The following ERAP1 variants were observed in gnomAD, a reference collection of about 807,000 sequenced individuals.
The protein encoded by ERAP1 is adipocyte-derived leucine aminopeptidase.
In ERAP1, 86 loss-of-function variants were observed where a neutral mutation model predicts 103.7. The observed-to-expected ratio is 0.83, with a 90% CI of 0.70 to 0.99. The LOEUF (loss-of-function observed/expected upper bound fraction) is 0.99, where lower values mean the gene tolerates loss of function less well. Ranked by LOEUF, ERAP1 falls within the 50% of genes least tolerant of loss-of-function variation. ERAP1 has a pLI of 0.00. For missense variants in ERAP1, 1,009 were observed against 1,128.4 expected, an observed-to-expected ratio of 0.89 and a Z score of 1.52; for synonymous variants, 398 against 402.4, an observed-to-expected ratio of 0.99 and a Z score of 0.13.
the ERAP1 span, among the ~76,000 whole-genome samples, chr5:96,844,683 G>T: frequency 2.0e-5 from 3 of 152,170 alleles, no homozygotes; most frequent in African/African-American, 4.8e-5. Flanking sequence ...TAGCTCCAGG[G>T]CATTGTGGTT....
the ERAP1 span, among the ~76,000 whole-genome samples, chr5:96,847,058 T>C: frequency 2.7e-5 from 4 of 147,164 alleles, no homozygotes; most frequent in African/African-American, 1.0e-4. Flanking sequence ...GACCAACATG[T>C]TGAAACCCCA....
the ERAP1 span, among the ~76,000 whole-genome samples, chr5:96,904,880 A>G: frequency 6.6e-6 from 1 of 152,224 alleles, no homozygotes; most frequent in Non-Finnish European, 1.5e-5. Context: ...CACTAAGTAG[A>G]CAGATTAATG....
the ERAP1 span, chr5:96,895,500 A>G: frequency 1.5e-6 from 1 of 656,910 alleles, no homozygotes; most frequent in East Asian, 2.9e-5. Context: ...GATACACGAA[A>G]CAGATCACAG....
chr5:96,803,853 G>T lies in ERAP1; in HGVS notation c.74C>A (p.Thr25Asn). ...CTGACACCATGAAGGAGTGGACACA[G>T]TTAAGAGAGCCAACAGTGAGGAAAG... Reference protein sequence around the residue: ...FLLSSLLALLTVSTPSWCQST... With the variant: ...FLLSSLLALLNVSTPSWCQST... Residue 25 changes from threonine (T) to asparagine (N), a missense_variant, in exon 2 of 19, where the codon ACT becomes AAT. Transcript: ENST00000443439. 1.2e-6 allele frequency: 2 copies of T among 1,613,998 alleles called. No homozygotes were observed. The highest frequency in any genetic ancestry group is 4.5e-5 in the East Asian group (2 of 44,892).
At position 96,782,959 on chromosome 5, in the gene ERAP1, AC is replaced by A. The variant is rs1775430606; in HGVS notation, c.2285+91del. The A allele has an allele frequency of 6.0e-6, 8 of 1,335,264 alleles. No homozygotes were observed. In the East Asian group the frequency reaches 1.8e-4, roughly 31 times the overall value. 82.7% of individuals were successfully genotyped at this position (1,335,264 alleles called of 1,614,324 possible). A position where few individuals can be genotyped will look rare whatever the true frequency, so the allele number is the denominator to read the frequency against. On this transcript the variant is annotated intron_variant, in intron 15 of 18. Transcript: ENST00000443439. ...AAAGGGCAGCAGGGGAGACACTTAA[AC>A]TTTTTGTTTTCCCTAATGTTTAGTA...
the ERAP1 span, chr5:96,873,627 G>A: frequency 2.8e-6 from 1 of 362,090 alleles, no homozygotes; most frequent in African/African-American, 2.1e-5. Context: ...TCCAGAAGTG[G>A]AAAGCACCCT....
intron 5 of ERAP1, among the ~76,000 whole-genome samples, 195 bp downstream of exon 5, chr5:96,794,847 C>T (rs751367617): frequency 1.4e-4 from 22 of 152,200 alleles, no homozygotes; most frequent in Admixed American, 3.9e-4. Flanking sequence ...CTGCTTTCTT[C>T]ACTATCACTA....
At chr5:96,850,103 G>C in the ERAP1 span, among the ~76,000 whole-genome samples, 39 of 152,212 alleles carry the variant, frequency 2.6e-4, no homozygotes, top group Middle Eastern at 3.4e-3. Flanking sequence ...AACTGATAAT[G>C]AATTAAATGC....
At chr5:96,812,710 T>TA (rs1779221051), upstream of ERAP1, among the ~76,000 whole-genome samples, 1 of 152,214 alleles carries the variant, frequency 6.6e-6, no homozygotes, top group Non-Finnish European at 1.5e-5. Context: ...ATATTGAAAT[T>TA]AAATGAGCTA....
upstream of ERAP1, among the ~76,000 whole-genome samples, chr5:96,810,161 G>A (rs1278485722): frequency 2.0e-5 from 3 of 152,206 alleles, no homozygotes; most frequent in Non-Finnish European, 2.9e-5. Context: ...GAGTTGAAGT[G>A]CACTACAAAG....
At chr5:96,780,999 T>TAAATTA in intron 17 of ERAP1, 59 bp downstream of exon 17, 1 of 1,602,706 alleles carries the variant, frequency 6.2e-7, no homozygotes, top group East Asian at 2.2e-5. Context: ...ACAGCAAGGC[T>TAAATTA]AAAACACAGT....
exon 20 of ERAP1, chr5:96,761,971 CTT>C (rs1768119494): frequency 4.9e-6 from 1 of 202,370 alleles, no homozygotes; most frequent in South Asian, 1.7e-4. Context: ...GAGCTGAAAA[CTT>C]TGAATAACCT....
At chr5:96,881,370 A>G in the ERAP1 span, 1 of 454,968 alleles carries the variant, frequency 2.2e-6, no homozygotes, top group East Asian at 6.9e-5. Flanking sequence ...GGAGGGCAAA[A>G]CAACAGAGAT....
Position 96,776,378 on chromosome 5 carries a change from C to T in ERAP1, c.*18G>A, listed in dbSNP as rs765769087. 1.6e-5 allele frequency: 26 copies of T among 1,597,798 alleles called. No homozygotes were observed. The highest frequency in any genetic ancestry group is 2.2e-5 in the East Asian group (1 of 44,652). On this transcript the variant is annotated 3_prime_UTR_variant, in exon 19 of 19. Transcript: ENST00000443439. ...GTTGGTGATTAGAGATAACAGGAAC[C>T]TGGCAAGGGAGGAATTTTTACATAC...
At chr5:96,891,814 T>C in the ERAP1 span, among the ~76,000 whole-genome samples, 1 of 152,156 alleles carries the variant, frequency 6.6e-6, no homozygotes, top group African/African-American at 2.4e-5. Context: ...ATATTGACTA[T>C]AGAGATGGCT....
In ERAP1 at chr5:96,775,126, A is replaced by ATTCT. The variant is rs1438109827; in HGVS notation, c.*1266_*1269dup. 21 of 985,414 alleles carry ATTCT rather than the reference A, an allele frequency of 2.1e-5. No individual in the cohort carries two copies. Among genetic ancestry groups the ATTCT allele is most frequent in the Non-Finnish European group, 2.5e-5 (21 of 829,918 alleles). The allele number at this position is 985,414 out of a possible 1,614,324, so 61.0% of individuals were successfully genotyped here. On this transcript the variant is annotated 3_prime_UTR_variant, in exon 19 of 19. Coordinates refer to ENST00000443439, the MANE Select transcript of ERAP1 (RefSeq NM_001040458.3). ...TTTTCAGAATAAGAAATAAAATCTA[A>ATTCT]TTCTTAGGGTATTAACTGACTTGAC...
In ERAP1 at chr5:96,785,948, C is replaced by T. The variant is rs1447978195; in HGVS notation, c.1783G>A (p.Val595Met). The change falls in exon 13 of 19, where the codon GTG (valine) becomes ATG (methionine). Residue 595 changes from valine to methionine, a missense_variant. Val to Met is a conservative substitution (Grantham distance 21, BLOSUM62 1). Coordinates refer to ENST00000443439, the MANE Select transcript of ERAP1 (RefSeq NM_001040458.3). ...KTDVLILPEE[V>M]EWIKFNVGMN... is the part of the protein sequence containing the mutation. ...CCCACATTAAATTTGATCCATTCCA[C>T]CTCTTCTGGGAGGATGAGCACATCT... is the stretch of plus-strand genomic sequence containing the variant. The T allele has an allele frequency of 1.2e-6, 2 of 1,614,062 alleles. No individual in the cohort carries two copies. Among genetic ancestry groups the T allele is most frequent in the Non-Finnish European group, 1.7e-6 (2 of 1,180,030 alleles).
chr5:96,843,822 G>A, the ERAP1 span, among the ~76,000 whole-genome samples: 1 of 152,094 alleles, frequency 6.6e-6, no homozygotes, highest in Non-Finnish European at 1.5e-5. Context: ...AGAGCCAGAG[G>A]TAACATTCTT....
At chr5:96,785,365 C>T (rs469736) in intron 13 of ERAP1, 47,479 of 230,752 alleles carry the variant, frequency 0.21, 5,091 homozygotes, top group East Asian at 0.25. Context: ...ATGCAAACAA[C>T]TTGGGCCTGT....
Sources: gnomAD v4.1 joint callset for allele counts (sites outside exome capture counted in the v4.1 genomes callset) on GRCh38, gnomAD v4.1.1 for gene constraint, MANE v1.5 for transcripts, NCBI Gene and HGNC (gene_info 2026-07-23, HGNC 2026-07-21) for gene names.